The following CNTN5 variants were observed in gnomAD, a reference collection of about 807,000 sequenced individuals.
The protein encoded by CNTN5 is contactin-5.
A neutral mutation model predicts 129.1 loss-of-function variants in CNTN5; 77 were observed. The observed-to-expected ratio is 0.60, with a 90% CI of 0.50 to 0.72. CNTN5 has a LOEUF of 0.72. Ranked by LOEUF, CNTN5 falls within the 30% of genes least tolerant of loss-of-function variation. CNTN5 has a pLI of 0.00. For missense variants in CNTN5, 1,478 were observed against 1,328.8 expected, an observed-to-expected ratio of 1.11 and a Z score of -1.75; for synonymous variants, 509 against 465.6, an observed-to-expected ratio of 1.09 and a Z score of -1.20.
At chr11:99,812,986 T>C (rs750369964) in intron 3 of CNTN5, among the ~76,000 whole-genome samples, 4 of 151,630 alleles carry the variant, frequency 2.6e-5, no homozygotes, top group African/African-American at 9.7e-5. Context: ...TCTACTAATA[T>C]TTTACCAACT....
intron 3 of CNTN5, among the ~76,000 whole-genome samples, chr11:99,737,270 TATC>T (rs938640918): frequency 9.9e-5 from 15 of 152,240 alleles, no homozygotes; most frequent in Middle Eastern, 3.4e-3. Context: ...CTAAATAACT[TATC>T]ATATTCTTCG....
intron 2 of CNTN5, among the ~76,000 whole-genome samples, chr11:99,359,507 C>T (rs1351908870): frequency 2.6e-5 from 4 of 151,912 alleles, no homozygotes; most frequent in African/African-American, 9.6e-5. Flanking sequence ...TTCTTGTATG[C>T]AAAATATGTT....
At chr11:100,319,057 T>A (rs905487772) in intron 21 of CNTN5, among the ~76,000 whole-genome samples, 1 of 152,008 alleles carries the variant, frequency 6.6e-6, no homozygotes, top group Non-Finnish European at 1.5e-5. Flanking sequence ...AGAACATTAC[T>A]AAACCCCAGA....
chr11:100,054,282 T>C (rs1943106946), intron 9 of CNTN5, among the ~76,000 whole-genome samples: 1 of 151,666 alleles, frequency 6.6e-6, no homozygotes, highest in Non-Finnish European at 1.5e-5. Flanking sequence ...TGTGCAAAGT[T>C]ACCCAGTGAA....
At chr11:100,170,100 T>C (rs1013974020) in intron 13 of CNTN5, among the ~76,000 whole-genome samples, 1 of 152,022 alleles carries the variant, frequency 6.6e-6, no homozygotes, top group Non-Finnish European at 1.5e-5. Flanking sequence ...GTAGCTAATA[T>C]GTTTAATGTT....
chr11:99,513,113 C>T (rs190656295), intron 2 of CNTN5, among the ~76,000 whole-genome samples: 1 of 152,086 alleles, frequency 6.6e-6, no homozygotes, highest in Non-Finnish European at 1.5e-5. Context: ...AGCTTTATTG[C>T]CAATAGAGAG....
intron 1 of CNTN5, among the ~76,000 whole-genome samples, chr11:99,263,662 A>T: frequency 6.6e-6 from 1 of 152,056 alleles, no homozygotes; most frequent in Non-Finnish European, 1.5e-5. Flanking sequence ...TGTCACCCAG[A>T]TGGGAGGGCA....
chr11:99,917,921 G>T (rs942990215), intron 7 of CNTN5, among the ~76,000 whole-genome samples: 12 of 152,110 alleles, frequency 7.9e-5, no homozygotes, highest in Non-Finnish European at 1.8e-4. Context: ...TGACTGTTCA[G>T]TAATCGTGTT....
chr11:100,219,584 T>A (rs532727133), intron 15 of CNTN5, among the ~76,000 whole-genome samples: 1 of 152,280 alleles, frequency 6.6e-6, no homozygotes, highest in South Asian at 2.1e-4. Flanking sequence ...TCCTCTTTAA[T>A]CTATGTCAAC....
At chr11:99,676,418 A>G (rs960902789) in intron 3 of CNTN5, among the ~76,000 whole-genome samples, 1 of 152,192 alleles carries the variant, frequency 6.6e-6, no homozygotes, top group Non-Finnish European at 1.5e-5. Flanking sequence ...AAATAAATAG[A>G]CTACATGCTT....
At chr11:99,792,289 G>C (rs1173829914) in intron 3 of CNTN5, among the ~76,000 whole-genome samples, 1 of 152,070 alleles carries the variant, frequency 6.6e-6, no homozygotes, top group Non-Finnish European at 1.5e-5. Flanking sequence ...CTAATTTCTT[G>C]AGAGTTTTTA....
At chr11:99,728,199 TACATG>T (rs1181813103) in intron 3 of CNTN5, among the ~76,000 whole-genome samples, 1 of 150,328 alleles carries the variant, frequency 6.7e-6, no homozygotes, top group African/African-American at 2.5e-5. Context: ...AGTCTGATCA[TACATG>T]AGAGAGAGAG....
intron 1 of CNTN5, among the ~76,000 whole-genome samples, chr11:99,233,143 A>C (rs1241235486): frequency 6.6e-6 from 1 of 152,204 alleles, no homozygotes; most frequent in Non-Finnish European, 1.5e-5. Flanking sequence ...TTTAATTTCA[A>C]ACAGCATAAA....
At chr11:99,706,874 T>G (rs1954779105) in intron 3 of CNTN5, among the ~76,000 whole-genome samples, 1 of 150,846 alleles carries the variant, frequency 6.6e-6, no homozygotes, top group Non-Finnish European at 1.5e-5. Context: ...GGATATGGAT[T>G]AAGTATGCAG....
At chr11:99,649,386 G>A (rs1157496015) in intron 3 of CNTN5, among the ~76,000 whole-genome samples, 2 of 151,672 alleles carry the variant, frequency 1.3e-5, no homozygotes, top group African/African-American at 4.8e-5. Flanking sequence ...CAATAAGGTA[G>A]AATTGTCATT....
At chr11:99,487,354 T>A (rs1392754132) in intron 2 of CNTN5, among the ~76,000 whole-genome samples, 1 of 152,206 alleles carries the variant, frequency 6.6e-6, no homozygotes, top group African/African-American at 2.4e-5. Flanking sequence ...GCTTTTTTTC[T>A]GGCTTCTGCA....
intron 1 of CNTN5, among the ~76,000 whole-genome samples, chr11:99,074,150 A>T (rs954825905): frequency 6.6e-6 from 1 of 151,730 alleles, no homozygotes. Flanking sequence ...TTTTTTTCAT[A>T]TGTTTTTTGG....
intron 8 of CNTN5, among the ~76,000 whole-genome samples, chr11:99,970,010 C>A (rs1951206161): frequency 6.6e-6 from 1 of 152,148 alleles, no homozygotes; most frequent in African/African-American, 2.4e-5. Context: ...CTATTAATTA[C>A]ATTACCTTTC....
chr11:99,860,697 T>C (rs940437862), intron 6 of CNTN5, among the ~76,000 whole-genome samples: 3 of 152,200 alleles, frequency 2.0e-5, no homozygotes, highest in Non-Finnish European at 4.4e-5. Context: ...TTGGTTACCA[T>C]AGCCTTATAG....
Sources: allele counts gnomAD v4.1 joint callset (sites outside exome capture counted in the v4.1 genomes callset), GRCh38; gene constraint gnomAD v4.1.1; transcripts MANE v1.5; gene names NCBI Gene and HGNC (gene_info 2026-07-23, HGNC 2026-07-21).